OPCML: variants seen among roughly 807,000 people sequenced by gnomAD.
OPCML encodes the protein opioid-binding protein/cell adhesion molecule.
OPCML carries 13 observed loss-of-function variants against 37.8 expected under a neutral mutation model. The ratio of observed to expected loss-of-function variants is 0.34; its 90% CI spans 0.22 to 0.55. OPCML has a LOEUF of 0.55. Among genes scored for constraint, OPCML ranks in the 20% least tolerant of loss-of-function variants. The probability of loss-of-function intolerance (pLI) is 0.91; values close to 1 mark genes in which losing one functional copy is unlikely to be tolerated. For synonymous variants in OPCML, 176 were observed against 168.8 expected (o/e 1.04, Z -0.33); for missense variants, 341 against 435.6 (o/e 0.78, Z 1.93).
intron 2 of OPCML, among the ~76,000 whole-genome samples, chr11:132,748,422 T>C (rs1369812904): frequency 1.3e-5 from 2 of 152,184 alleles, no homozygotes; most frequent in African/African-American, 4.8e-5. Flanking sequence ...GTGCCCAGCA[T>C]CATGCAGCTT....
chr11:132,575,523 A>C (rs999741342), intron 3 of OPCML, among the ~76,000 whole-genome samples: 1 of 152,008 alleles, frequency 6.6e-6, no homozygotes, highest in African/African-American at 2.4e-5. Flanking sequence ...AAAACTCTGC[A>C]CTTTAACTTC....
intron 7 of OPCML, among the ~76,000 whole-genome samples, chr11:132,434,380 G>C (rs2096006633): frequency 6.6e-6 from 1 of 152,200 alleles, no homozygotes; most frequent in Non-Finnish European, 1.5e-5. Flanking sequence ...AAGCAGAGCT[G>C]AGCAGCAGCT....
chr11:132,813,498 C>T (rs1302633737), intron 2 of OPCML, among the ~76,000 whole-genome samples: 1 of 152,138 alleles, frequency 6.6e-6, no homozygotes, highest in Non-Finnish European at 1.5e-5. Flanking sequence ...GAGAAGCAGC[C>T]CCCATCATCA....
intron 1 of OPCML, among the ~76,000 whole-genome samples, chr11:133,111,777 T>C (rs1056661233): frequency 6.6e-6 from 1 of 152,186 alleles, no homozygotes; most frequent in Non-Finnish European, 1.5e-5. Flanking sequence ...GGAGAGTTGA[T>C]CCTTCATAGA....
chr11:133,159,849 C>G (rs1950117934), intron 1 of OPCML, among the ~76,000 whole-genome samples: 1 of 152,222 alleles, frequency 6.6e-6, no homozygotes, highest in South Asian at 2.1e-4. Context: ...CGCGAGTTCT[C>G]ATCCACAGGG....
At chr11:133,452,129 C>T (rs568922319) in intron 1 of OPCML, among the ~76,000 whole-genome samples, 5 of 151,510 alleles carry the variant, frequency 3.3e-5, no homozygotes, top group African/African-American at 1.2e-4. Flanking sequence ...GAAAATGTGA[C>T]CCATAATCAA....
At chr11:132,798,504 C>T (rs1037487695) in intron 2 of OPCML, among the ~76,000 whole-genome samples, 9 of 152,226 alleles carry the variant, frequency 5.9e-5, no homozygotes, top group African/African-American at 2.2e-4. Context: ...ACTCCTCCTT[C>T]ATTAAGACTG....
intron 1 of OPCML, among the ~76,000 whole-genome samples, chr11:133,370,561 A>G (rs1002835674): frequency 2.0e-5 from 3 of 152,104 alleles, no homozygotes; most frequent in Non-Finnish European, 4.4e-5. Context: ...AAAACTGCAA[A>G]ACATTGCTGA....
At chr11:133,357,273 T>A (rs1013965691) in intron 1 of OPCML, among the ~76,000 whole-genome samples, 2 of 152,160 alleles carry the variant, frequency 1.3e-5, no homozygotes, top group African/African-American at 4.8e-5. Flanking sequence ...CAAACCTGAT[T>A]CTCCTTCTTA....
chr11:133,513,834 A>G (rs554233016), intron 1 of OPCML, among the ~76,000 whole-genome samples: 9 of 152,368 alleles, frequency 5.9e-5, no homozygotes, highest in African/African-American at 1.9e-4. Context: ...ATAATGGTTC[A>G]TGAAAAGATC....
Position 133,173,929 on chromosome 11 carries a change from C to T in OPCML, c.62-230919G>A, listed in dbSNP as rs976410455. Among the ~76,000 whole-genome samples the T allele has an allele frequency of 3.9e-5, 6 of 152,168 alleles. No individual in the cohort carries two copies. The highest frequency in any genetic ancestry group is 7.3e-5 in the Non-Finnish European group (5 of 68,030). ...CCGGGGCCGGCCGGCACTGGAGCAG[C>T]CCTCTCCCTCCATCCATTCTACAAG... On this transcript the variant is annotated intron_variant, in intron 1 of 7. Coordinates refer to ENST00000524381, the MANE Select transcript of OPCML (RefSeq NM_001012393.5). This position sits in a 1 kb window ranked among gnomAD's most constrained non-coding sequence, Gnocchi z 7.8.
chr11:133,417,212 G>C (rs57110167), intron 1 of OPCML, among the ~76,000 whole-genome samples: 3 of 152,056 alleles, frequency 2.0e-5, no homozygotes, highest in African/African-American at 7.2e-5. Flanking sequence ...TAATTGAGCC[G>C]TAGGAGGGGG....
intron 3 of OPCML, among the ~76,000 whole-genome samples, chr11:132,539,909 T>C (rs2096351798): frequency 6.6e-6 from 1 of 152,062 alleles, no homozygotes; most frequent in Non-Finnish European, 1.5e-5. Context: ...GTAATGCTGA[T>C]GATGACGATA....
intron 1 of OPCML, among the ~76,000 whole-genome samples, chr11:133,074,086 C>T (rs763618165): frequency 6.6e-6 from 1 of 152,214 alleles, no homozygotes; most frequent in East Asian, 1.9e-4. Context: ...CGAGATAGCT[C>T]GTTCAATCTT....
intron 3 of OPCML, among the ~76,000 whole-genome samples, chr11:132,638,184 T>TATATATATATATATATATATATATAC (rs913690705): frequency 7.9e-6 from 1 of 126,894 alleles, no homozygotes; most frequent in African/African-American, 3.0e-5. Context: ...TATATATATA[T>TATATATATATATATATATATATATAC]ATACAGAGAG....
rs200669864 is a variant in OPCML, at chr11:132,818,615, TA to T, written c.146+124310del. On this transcript the variant is annotated intron_variant, in intron 2 of 7. Transcript: ENST00000524381. ...GATAGATAGATAGATAGATGATAGA[TA>T]GATAGATAAACACATAGATAGATAT... is the stretch of plus-strand genomic sequence containing the variant. Among the ~76,000 whole-genome samples, 289 of 44,192 alleles carry T rather than the reference TA, an allele frequency of 6.5e-3. 1 individual carries two copies. The highest frequency in any genetic ancestry group is 0.012 in the African/African-American group (172 of 14,178). 29.0% of individuals were successfully genotyped at this position (44,192 alleles called of 152,430 possible). A position where few individuals can be genotyped will look rare whatever the true frequency, so the allele number is the denominator to read the frequency against.
chr11:133,220,457 ACAG>A (rs1939768818), intron 1 of OPCML, among the ~76,000 whole-genome samples: 1 of 152,172 alleles, frequency 6.6e-6, no homozygotes, highest in Non-Finnish European at 1.5e-5. Context: ...CTGCTGCCAG[ACAG>A]CAGCCTCTGG....
intron 2 of OPCML, among the ~76,000 whole-genome samples, chr11:132,696,796 C>T (rs893833639): frequency 6.6e-6 from 1 of 151,920 alleles, no homozygotes; most frequent in African/African-American, 2.4e-5. Flanking sequence ...CCAACGCTGA[C>T]CCATAAAACC....
chr11:132,837,748 C>T (rs751082724), intron 2 of OPCML, among the ~76,000 whole-genome samples: 16 of 152,142 alleles, frequency 1.1e-4, no homozygotes, highest in Non-Finnish European at 2.2e-4. Flanking sequence ...GACAAGTAGG[C>T]GTCCATGAGG....
Sources: allele counts gnomAD v4.1 joint callset (sites outside exome capture counted in the v4.1 genomes callset), GRCh38; gene constraint gnomAD v4.1.1; non-coding constraint Gnocchi (gnomAD v3.1); transcripts MANE v1.5; gene names NCBI Gene and HGNC (gene_info 2026-07-23, HGNC 2026-07-21).